Variants in FOXN2 observed in about 807,000 individuals in gnomAD.
FOXN2 encodes the protein forkhead box protein N2.
FOXN2 carries 19 observed loss-of-function variants against 41.2 expected under a neutral mutation model. The observed-to-expected ratio is 0.46, with a 90% CI of 0.32 to 0.68. FOXN2 has a LOEUF of 0.68. FOXN2 is among the 30% of genes least tolerant of loss of function. The probability of loss-of-function intolerance (pLI) is 0.03; values close to 1 mark genes in which losing one functional copy is unlikely to be tolerated. For missense variants in FOXN2, 587 were observed against 509.4 expected, an observed-to-expected ratio of 1.15 and a Z score of -1.47; for synonymous variants, 195 against 176.8, an observed-to-expected ratio of 1.10 and a Z score of -0.82.
chr2:48,370,250 T>C (rs1207154380), intron 5 of FOXN2, among the ~76,000 whole-genome samples: 1 of 152,196 alleles, frequency 6.6e-6, no homozygotes, highest in Non-Finnish European at 1.5e-5. Context: ...GGCTAGCGGC[T>C]GCAACTTTTC....
At chr2:48,372,603 G>A (rs1672976102) in intron 5 of FOXN2, among the ~76,000 whole-genome samples, 1 of 152,048 alleles carries the variant, frequency 6.6e-6, no homozygotes, top group Non-Finnish European at 1.5e-5. Flanking sequence ...GTAAATATAA[G>A]TAGGTATGAG....
chr2:48,321,415 A>G (rs1669309259), intron 1 of FOXN2, among the ~76,000 whole-genome samples: 1 of 152,166 alleles, frequency 6.6e-6, no homozygotes. Context: ...GAGTGCCTGT[A>G]GTCCCAGCTA....
At chr2:48,334,393 C>T (rs1670202684) in intron 2 of FOXN2, among the ~76,000 whole-genome samples, 1 of 152,024 alleles carries the variant, frequency 6.6e-6, no homozygotes, top group African/African-American at 2.4e-5. Flanking sequence ...CTCAAGTGTG[C>T]TGAGGGAGAA....
intron 3 of FOXN2, among the ~76,000 whole-genome samples, chr2:48,355,707 T>C (rs749786687): frequency 2.0e-5 from 3 of 152,344 alleles, no homozygotes; most frequent in Non-Finnish European, 2.9e-5. Flanking sequence ...GAATGGCGGT[T>C]ATCTAGAGAT....
At chr2:48,316,810 T>C (rs1293899502) in intron 1 of FOXN2, among the ~76,000 whole-genome samples, 2 of 152,236 alleles carry the variant, frequency 1.3e-5, no homozygotes, top group Non-Finnish European at 2.9e-5. Context: ...ATGTTTTTAT[T>C]TGAATCAATT....
intron 1 of FOXN2, among the ~76,000 whole-genome samples, chr2:48,321,396 C>T (rs181396848): frequency 4.5e-4 from 69 of 152,106 alleles, no homozygotes; most frequent in African/African-American, 1.6e-3. Context: ...ATTAGGCGGG[C>T]GTGGTGGCGA....
chr2:48,369,468 G>A (rs777623851), intron 5 of FOXN2, among the ~76,000 whole-genome samples: 2 of 152,158 alleles, frequency 1.3e-5, no homozygotes, highest in Non-Finnish European at 2.9e-5. Flanking sequence ...AACCCAGGAG[G>A]CAGAGGTGGC....
chr2:48,368,866 T>A (rs1284146584), intron 5 of FOXN2, among the ~76,000 whole-genome samples: 1 of 152,202 alleles, frequency 6.6e-6, no homozygotes, highest in Non-Finnish European at 1.5e-5. Context: ...TCATTGCTTA[T>A]TTTTAATGTT....
chr2:48,327,407 T>C (rs1669747368), intron 1 of FOXN2, among the ~76,000 whole-genome samples: 1 of 152,114 alleles, frequency 6.6e-6, no homozygotes, highest in Non-Finnish European at 1.5e-5. Context: ...TTTAGAAACA[T>C]TTATTTTAGA....
chr2:48,368,217 G>T (rs1325071431), intron 5 of FOXN2, among the ~76,000 whole-genome samples: 4 of 152,010 alleles, frequency 2.6e-5, no homozygotes, highest in Non-Finnish European at 5.9e-5. Flanking sequence ...TCAAATTTTG[G>T]TTCCTTTTGA....
At position 48,375,311 on chromosome 2, in the gene FOXN2, G is replaced by T; in HGVS notation, c.1164G>T (p.Gln388His). 6.2e-7 allele frequency: 1 copy of T among 1,613,860 alleles called. No homozygotes were observed. The highest frequency in any genetic ancestry group is 8.5e-7 in the Non-Finnish European group (1 of 1,179,928). Residue 388 changes from glutamine to histidine, a missense_variant, in exon 7 of 7, where the codon CAG becomes CAT. By Grantham distance (24) the Gln-to-His change is conservative. Coordinates refer to ENST00000340553, the MANE Select transcript of FOXN2 (RefSeq NM_002158.4). Reference sequence around the variant, plus strand: ...AGTCAGGCAAAAAGATGCGAAAACAGACATGTCAAGAAATTGATGAGGAGC... The same window carrying T: ...AGTCAGGCAAAAAGATGCGAAAACATACATGTCAAGAAATTGATGAGGAGC... ...KGQSGKKMRK[Q>H]TCQEIDEELK...
Position 48,374,971 on chromosome 2 carries a change from G to A in FOXN2, c.824G>A (p.Gly275Asp), listed in dbSNP as rs1186457583. 8.1e-6 allele frequency: 13 copies of A among 1,613,702 alleles called. No individual in the cohort carries two copies. Among genetic ancestry groups the A allele is most frequent in the Non-Finnish European group, 1.1e-5 (13 of 1,179,874 alleles). ...KTALQKKRSY[G>D]NAFHHPSAVR... ...GCATTGCAAAAAAAGAGGAGTTACGGCAATGCATTTCATCATCCCAGTGCT... is the reference window on the plus strand; with the variant it reads ...GCATTGCAAAAAAAGAGGAGTTACGACAATGCATTTCATCATCCCAGTGCT... Residue 275 changes from glycine to aspartate, a missense_variant, in exon 7 of 7, where the codon GGC becomes GAC. Transcript: ENST00000340553.
chr2:48,322,725 T>C (rs1274758692), intron 1 of FOXN2, among the ~76,000 whole-genome samples: 2 of 148,594 alleles, frequency 1.3e-5, no homozygotes, highest in African/African-American at 2.4e-5. Context: ...ATATTTGATA[T>C]ATATATAATA....
chr2:48,349,208 G>C (rs778400376), intron 3 of FOXN2, among the ~76,000 whole-genome samples: 5 of 152,212 alleles, frequency 3.3e-5, no homozygotes, highest in Non-Finnish European at 7.3e-5. Context: ...AACTTTGGCT[G>C]AGTGCAGTGG....
intron 3 of FOXN2, among the ~76,000 whole-genome samples, chr2:48,356,798 T>C (rs1341367155): frequency 6.6e-6 from 1 of 152,226 alleles, no homozygotes; most frequent in Admixed American, 6.5e-5. Flanking sequence ...ACAATTCTTT[T>C]TAAAGTTCAC....
intron 1 of FOXN2, among the ~76,000 whole-genome samples, chr2:48,324,732 A>G (rs1451531591): frequency 2.0e-5 from 3 of 152,186 alleles, no homozygotes; most frequent in Non-Finnish European, 4.4e-5. Flanking sequence ...CTTGGTGTGT[A>G]TTAAGTATCT....
At chr2:48,321,927 A>G (rs189016222) in intron 1 of FOXN2, among the ~76,000 whole-genome samples, 12 of 152,304 alleles carry the variant, frequency 7.9e-5, no homozygotes, top group Admixed American at 4.6e-4. Context: ...GCAAATAATT[A>G]TACATAATTA....
rs753903947 is a variant in FOXN2 at position 48,356,028 on chromosome 2, GAC to G, written c.538-3016_538-3015del. ...TAATTCCAGCACTCTGGTAGGTTGA[GAC>G]ACGACAATCACTTGAACCCGGAGGC... is the stretch of plus-strand genomic sequence containing the variant. On this transcript the variant is annotated intron_variant, in intron 3 of 6. Coordinates refer to ENST00000340553, the MANE Select transcript of FOXN2 (RefSeq NM_002158.4). Among the ~76,000 whole-genome samples, 48 of 152,310 alleles carry G rather than the reference GAC, an allele frequency of 3.2e-4. 1 individual carries two copies. The highest frequency in any genetic ancestry group is 1.0e-3 in the African/African-American group (43 of 41,568).
intron 5 of FOXN2, among the ~76,000 whole-genome samples, chr2:48,371,130 G>A (rs1272591233): frequency 6.6e-6 from 1 of 152,192 alleles, no homozygotes; most frequent in Non-Finnish European, 1.5e-5. Flanking sequence ...GGGCGCGGTG[G>A]CTCATGCCTA....
Sources: gnomAD v4.1 joint callset for allele counts (sites outside exome capture counted in the v4.1 genomes callset) on GRCh38, gnomAD v4.1.1 for gene constraint, MANE v1.5 for transcripts, NCBI Gene and HGNC (gene_info 2026-07-23, HGNC 2026-07-21) for gene names.